Variants in CTNND1 observed in about 807,000 individuals in gnomAD.
CTNND1 encodes catenin delta-1.
Under a neutral mutation model 112.1 loss-of-function variants are expected in CTNND1, and 16 were observed. The observed-to-expected ratio is 0.14, with a 90% CI of 0.10 to 0.22. The LOEUF is 0.22. CTNND1 is among the 10% of genes least tolerant of loss of function. The pLI, the probability that CTNND1 is intolerant of heterozygous loss-of-function variation, is 1.00. For missense variants in CTNND1, 1,008 were observed against 1,257.0 expected (o/e 0.80, Z 3.00); for synonymous variants, 420 against 446.5 (o/e 0.94, Z 0.75).
In CTNND1 at chr11:57,815,720, A is replaced by G. The variant is rs1041224586; in HGVS notation, c.2809-195A>G. 37 of 779,074 alleles carry G rather than the reference A, an allele frequency of 4.7e-5. No individual in the cohort carries two copies. In the Admixed American group the frequency reaches 4.9e-4, roughly 10 times the overall value. 48.3% of individuals were successfully genotyped at this position (779,074 alleles called of 1,614,324 possible). On this transcript the variant is annotated intron_variant, in intron 19 of 20. Coordinates refer to ENST00000399050, the MANE Select transcript of CTNND1 (RefSeq NM_001085458.2). ...GCATGTCTGTAAAAGTGTTACTGAT[A>G]TGACTAACACTAACTGATCTACTTT...
intron 4 of CTNND1, 22 bp downstream of exon 4, chr11:57,794,103 T>G (rs2061071791): frequency 6.2e-7 from 1 of 1,608,888 alleles, no homozygotes; most frequent in South Asian, 1.1e-5. Flanking sequence ...GCTCAAGACC[T>G]GGGTTGCTTC....
At chr11:57,789,226 T>A in intron 2 of CTNND1, 71 bp downstream of exon 2, 1 of 1,122,470 alleles carries the variant, frequency 8.9e-7, no homozygotes. Flanking sequence ...TTTATTCCTT[T>A]CATGTCATAG....
At chr11:57,775,332 G>GA (rs374576333) in intron 1 of CTNND1, among the ~76,000 whole-genome samples, 37,534 of 113,380 alleles carry the variant, frequency 0.33, 6,073 homozygotes, top group East Asian at 0.79. Context: ...ACCCCGTCTC[G>GA]AAAAAAAAAA....
At chr11:57,803,257 G>A (rs769609860) in intron 7 of CTNND1, among the ~76,000 whole-genome samples, 1 of 152,086 alleles carries the variant, frequency 6.6e-6, no homozygotes. Flanking sequence ...ACAGGTGCCC[G>A]CCACCACGCC....
At chr11:57,771,890 A>ATTC (rs1952720353) in intron 1 of CTNND1, among the ~76,000 whole-genome samples, 1 of 152,026 alleles carries the variant, frequency 6.6e-6, no homozygotes, top group South Asian at 2.1e-4. Context: ...GCTACTTAGA[A>ATTC]TAAGCTGATA....
intron 4 of CTNND1, among the ~76,000 whole-genome samples, chr11:57,795,341 G>A (rs2061248431): frequency 1.3e-5 from 2 of 152,322 alleles, no homozygotes; most frequent in African/African-American, 4.8e-5. Context: ...TCACTTGGAT[G>A]TTGATGTGGC....
chr11:57,779,520 G>A (rs569587205), intron 1 of CTNND1, among the ~76,000 whole-genome samples: 1 of 152,242 alleles, frequency 6.6e-6, no homozygotes, highest in Admixed American at 6.5e-5. Context: ...ACACAAACCC[G>A]CCTTTGATTG....
Position 57,811,307 on chromosome 11 carries a change from G to A in CTNND1, c.2551-92G>A, listed in dbSNP as rs2063330636. On this transcript the variant is annotated intron_variant, in intron 16 of 20. Coordinates refer to ENST00000399050, the MANE Select transcript of CTNND1 (RefSeq NM_001085458.2). Reference sequence around the variant, plus strand: ...AGTTGCTTTTTCATGATTCTATTTGGGAATAGGAACCTAGAGGTTTATGCC... The same window carrying A: ...AGTTGCTTTTTCATGATTCTATTTGAGAATAGGAACCTAGAGGTTTATGCC... 4.0e-6 allele frequency: 4 copies of A among 992,158 alleles called. No individual in the cohort carries two copies. The African/African-American group carries it at 4.9e-5, about 12-fold the overall frequency. The allele number at this position is 992,158 out of a possible 1,614,324, so 61.5% of individuals were successfully genotyped here.
At chr11:57,764,526 T>C (rs1446522114) in intron 1 of CTNND1, among the ~76,000 whole-genome samples, 1 of 152,192 alleles carries the variant, frequency 6.6e-6, no homozygotes, top group East Asian at 1.9e-4. Flanking sequence ...TCTCCTTCTA[T>C]TTTGGTACCC....
Position 57,770,222 on chromosome 11 carries a change from C to T in CTNND1, c.-214+8103C>T, listed in dbSNP as rs375590882. ...GCGGGCGCCTGTAATCCCAGCTACT[C>T]GGGAAGCTGAGGCAGGAGAATTGCT... On this transcript the variant is annotated intron_variant, in intron 1 of 20. Coordinates refer to ENST00000399050, the MANE Select transcript of CTNND1 (RefSeq NM_001085458.2). Among the ~76,000 whole-genome samples the T allele has an allele frequency of 9.2e-5, 14 of 151,544 alleles. 1 individual carries two copies. In the East Asian group the frequency reaches 9.7e-4, roughly 10 times the overall value.
chr11:57,811,261 G>A (rs1020328646), intron 16 of CTNND1, 138 bp from the exon 17 acceptor site: 20 of 627,082 alleles, frequency 3.2e-5, no homozygotes, highest in Admixed American at 2.4e-4. Flanking sequence ...CACTGTCTAG[G>A]GTATTTATTC....
rs778615503 is a variant in CTNND1 at position 57,815,974 on chromosome 11, G to C, written c.2868G>C (p.Glu956Asp). 2.5e-6 allele frequency: 4 copies of C among 1,597,356 alleles called. No homozygotes were observed. The African/African-American group carries it at 5.4e-5, about 22-fold the overall frequency. Reference sequence around the variant, plus strand: ...TGGATGTGTTGGTTTTGGATGATGAGGGGGGCCAAGTGTCTTACCCCTCCA... The same window carrying C: ...TGGATGTGTTGGTTTTGGATGATGACGGGGGCCAAGTGTCTTACCCCTCCA... ...EELDVLVLDD[E>D]GGQVSYPSMQ... The change falls in exon 20 of 21, where the codon GAG (glutamate) becomes GAC (aspartate). Residue 956 changes from glutamate to aspartate, a missense_variant. Glu to Asp is a conservative substitution (Grantham distance 45, BLOSUM62 2). Transcript: ENST00000399050.
At chr11:57,814,288 G>A in intron 17 of CTNND1, 23 bp from the exon 18 acceptor site, 1 of 1,587,840 alleles carries the variant, frequency 6.3e-7, no homozygotes, top group Non-Finnish European at 8.6e-7. Flanking sequence ...TTTTGACATG[G>A]ATAACTTTCT....
In CTNND1 at chr11:57,808,238, C is replaced by T. The variant is rs533031931; in HGVS notation, c.2037C>T (p.Ala679=). The change falls in exon 13 of 21, where the codon GCC becomes GCT. Residue 679 remains alanine (A), a synonymous_variant. Transcript: ENST00000399050. ...ISLLKESKTP[A]ILEASAGAIQ... is the part of the protein sequence containing the mutation. Reference sequence around the variant, plus strand: ...TTCTTAAGGAGAGCAAGACTCCTGCCATCCTAGAAGCCTCAGCTGGAGCTA... The same window carrying T: ...TTCTTAAGGAGAGCAAGACTCCTGCTATCCTAGAAGCCTCAGCTGGAGCTA... 14 of 1,613,900 alleles carry T rather than the reference C, an allele frequency of 8.7e-6. No individual in the cohort carries two copies. The Admixed American group carries it at 2.2e-4, about 25-fold the overall frequency.
At chr11:57,796,340 T>G (rs2061359169) in intron 5 of CTNND1, 117 bp from the exon 6 acceptor site, 1 of 973,608 alleles carries the variant, frequency 1.0e-6, no homozygotes, top group Non-Finnish European at 1.5e-6. Flanking sequence ...TGAGCCGAGA[T>G]CACGCCATTG....
At chr11:57,811,507 A>AC in intron 17 of CTNND1, 21 bp downstream of exon 17, 1 of 1,549,768 alleles carries the variant, frequency 6.5e-7, no homozygotes, top group Non-Finnish European at 8.9e-7. Context: ...CAGAAGGCAC[A>AC]CCCTCTCCTT....
intron 1 of CTNND1, among the ~76,000 whole-genome samples, chr11:57,773,590 T>G (rs1289803095): frequency 1.3e-5 from 2 of 151,686 alleles, no homozygotes. Flanking sequence ...TAGCTGGGAT[T>G]ATGGGTGCAT....
intron 1 of CTNND1, among the ~76,000 whole-genome samples, chr11:57,783,294 AAAC>A (rs1258931642): frequency 6.6e-6 from 1 of 151,734 alleles, no homozygotes; most frequent in African/African-American, 2.4e-5. Context: ...ACAAACAAAC[AAAC>A]AAAAAAAAAC....
chr11:57,765,948 A>T (rs1018284415), intron 1 of CTNND1, among the ~76,000 whole-genome samples: 5 of 151,994 alleles, frequency 3.3e-5, no homozygotes, highest in Non-Finnish European at 7.4e-5. Context: ...AGGTGGGTGG[A>T]TCGCTGGGCA....
Sources: allele counts gnomAD v4.1 joint callset (sites outside exome capture counted in the v4.1 genomes callset), GRCh38; gene constraint gnomAD v4.1.1; transcripts MANE v1.5; gene names NCBI Gene and HGNC (gene_info 2026-07-23, HGNC 2026-07-21).